The following REXO1 variants were observed in gnomAD, a reference collection of about 807,000 sequenced individuals.
REXO1 encodes the protein RNA exonuclease 1 homolog.
REXO1 carries 42 observed loss-of-function variants against 102.6 expected under a neutral mutation model. That is an observed-to-expected ratio of 0.41 (90% CI 0.32 to 0.53). The LOEUF is 0.53. Ranked by LOEUF, REXO1 falls within the 20% of genes least tolerant of loss-of-function variation. The pLI is 0.27. For synonymous variants in REXO1, 908 were observed against 779.1 expected (o/e 1.17, Z -2.76); for missense variants, 1,819 against 1,732.5 (o/e 1.05, Z -0.89).
intron 4 of REXO1, chr19:1,821,919 C>G (rs1185149341): frequency 1.7e-6 from 1 of 571,806 alleles, no homozygotes; most frequent in African/African-American, 2.0e-5. Context: ...GGACACGTCA[C>G]CGGTGGGGTG....
intron 1 of REXO1, chr19:1,830,574 C>A (rs2069874982): frequency 6.2e-6 from 1 of 160,442 alleles, no homozygotes; most frequent in African/African-American, 2.4e-5. Flanking sequence ...CTCTAAAGGT[C>A]AACAGGTCTG....
chr19:1,847,973 C>G (rs145374765), intron 1 of REXO1, among the ~76,000 whole-genome samples: 9 of 152,352 alleles, frequency 5.9e-5, no homozygotes, highest in Middle Eastern at 3.4e-3. Context: ...TGGCAGGACG[C>G]GTCCTCCTAG....
intron 3 of REXO1, chr19:1,824,571 G>C (rs1221613292): frequency 6.6e-6 from 1 of 152,116 alleles, no homozygotes; most frequent in Non-Finnish European, 1.5e-5. Flanking sequence ...CGGAGTTTGA[G>C]GCACTAAAAA....
chr19:1,835,908 C>T (rs948754220), intron 1 of REXO1, among the ~76,000 whole-genome samples: 2 of 152,188 alleles, frequency 1.3e-5, no homozygotes, highest in African/African-American at 4.8e-5. Flanking sequence ...AGCCTTGTCC[C>T]GGCCTAGGAG....
At position 1,827,130 on chromosome 19, in the gene REXO1, G is replaced by C; in HGVS notation, c.1659C>G (p.Asp553Glu). The change falls in exon 2 of 16, where the codon GAC (aspartate) becomes GAG (glutamate). Residue 553 changes from aspartate (D) to glutamate (E), a missense_variant. Coordinates refer to ENST00000170168, the MANE Select transcript of REXO1 (RefSeq NM_020695.4). Reference protein sequence around the residue: ...LPSLSSDSDSDSDSSLGFPEA... With the variant: ...LPSLSSDSDSESDSSLGFPEA... Reference sequence around the variant, plus strand: ...CCGGGAAGCCCAGGCTGGAGTCTGAGTCGGAGTCTGAGTCCGAGCTGAGGC... The same window carrying C: ...CCGGGAAGCCCAGGCTGGAGTCTGACTCGGAGTCTGAGTCCGAGCTGAGGC... 1.3e-6 allele frequency: 2 copies of C among 1,542,380 alleles called. No individual in the cohort carries two copies. Among genetic ancestry groups the C allele is most frequent in the Non-Finnish European group, 1.7e-6 (2 of 1,146,282 alleles).
In REXO1 at chr19:1,821,936, G is replaced by T. The variant is rs529724107; in HGVS notation, c.2231-254C>A. 7.3e-5 allele frequency: 41 copies of T among 562,802 alleles called. 1 individual carries two copies. The highest frequency in any genetic ancestry group is 5.6e-4 in the South Asian group (24 of 42,558). 34.9% of individuals were successfully genotyped at this position (562,802 alleles called of 1,614,324 possible). ...ACACGTCACCGGTGGGGTGGTCCAGGCCTCTGCCACGTGTTCTGACCCCAA... is the reference window on the plus strand; with the variant it reads ...ACACGTCACCGGTGGGGTGGTCCAGTCCTCTGCCACGTGTTCTGACCCCAA... On this transcript the variant is annotated intron_variant, in intron 4 of 15. Coordinates refer to ENST00000170168, the MANE Select transcript of REXO1 (RefSeq NM_020695.4).
At chr19:1,834,886 TC>T (rs1403141866) in intron 1 of REXO1, 1 of 317,116 alleles carries the variant, frequency 3.2e-6, no homozygotes, top group Non-Finnish European at 7.0e-6. Flanking sequence ...AAGACTGAGA[TC>T]AGGATCTGCA....
intron 12 of REXO1, 73 bp downstream of exon 12, chr19:1,817,146 C>CCAGATGGGGT (rs2145229770): frequency 6.3e-7 from 1 of 1,577,414 alleles, no homozygotes; most frequent in South Asian, 1.1e-5. Flanking sequence ...CCAGATGGGG[C>CCAGATGGGGT]CAGATGGGGC....
chr19:1,841,985 T>C (rs543374320), intron 1 of REXO1, among the ~76,000 whole-genome samples: 1 of 151,540 alleles, frequency 6.6e-6, no homozygotes, highest in Non-Finnish European at 1.5e-5. Context: ...CTGAGGCGGG[T>C]GGATCACTTG....
rs1251031215 is a variant in REXO1, at chr19:1,841,710, GGCTCTGGGGGGAGC to G, written c.157+6478_157+6491del. 2.7e-4 allele frequency among the ~76,000 whole-genome samples: 41 copies of G among 152,302 alleles called. No homozygotes were observed. The South Asian group carries it at 2.9e-3, about 11-fold the overall frequency. On this transcript the variant is annotated intron_variant, in intron 1 of 15. Transcript: ENST00000170168. ...TGGAGGAGACGGTAAAGCTGCACAGGGCTCTGGGGGGAGCGCTCTGGGGAGCGGCTCAGGCACTG... is the reference window on the plus strand; with the variant it reads ...TGGAGGAGACGGTAAAGCTGCACAGGGCTCTGGGGAGCGGCTCAGGCACTG...
Position 1,821,539 on chromosome 19 carries a change from C to A in REXO1, c.2374G>T (p.Ala792Ser). The part of the protein sequence containing the change: ...TTTTIIPKRI[A>S]HSPSLQSLKK... The stretch of plus-strand genomic sequence containing the variant: ...GCTACCTGTAAGGATGGACTGTGGG[C>A]GATTCGCTTAGGGATGATGGTGGTG... Residue 792 changes from alanine (A) to serine (S), a missense_variant, in exon 5 of 16, where the codon GCC becomes TCC. Ala to Ser is a moderately conservative substitution (Grantham distance 99). Coordinates refer to ENST00000170168, the MANE Select transcript of REXO1 (RefSeq NM_020695.4). The A allele has an allele frequency of 6.2e-7, 1 of 1,613,580 alleles. No homozygotes were observed. Among genetic ancestry groups the A allele is most frequent in the Non-Finnish European group, 8.5e-7 (1 of 1,179,782 alleles).
intron 1 of REXO1, among the ~76,000 whole-genome samples, chr19:1,838,178 G>T (rs551869612): frequency 6.6e-6 from 1 of 151,852 alleles, no homozygotes; most frequent in Non-Finnish European, 1.5e-5. Flanking sequence ...AAAATTAGCC[G>T]GGTGTGGGGG....
At chr19:1,822,009 G>A (rs2069559356) in intron 4 of REXO1, 2 of 527,864 alleles carry the variant, frequency 3.8e-6, no homozygotes, top group South Asian at 2.8e-5. Context: ...CCCGGACAGA[G>A]GACCGAAGGG....
At chr19:1,824,096 A>C in intron 3 of REXO1, 5 of 293,476 alleles carry the variant, frequency 1.7e-5, no homozygotes, top group South Asian at 1.6e-4. Flanking sequence ...ACTACGCCTA[A>C]TCTTCCTCAA....
rs372537502 is a variant in REXO1 at position 1,846,996 on chromosome 19, C to T, written c.157+1206G>A. 2.4e-4 allele frequency among the ~76,000 whole-genome samples: 37 copies of T among 152,308 alleles called. 1 individual carries two copies. Among genetic ancestry groups the T allele is most frequent in the African/African-American group, 8.9e-4 (37 of 41,570 alleles). ...ACCAACTCCCAGCCCCCGCCAAAGC[C>T]GGCTGCGTGCTCCCAGGACATCACG... On this transcript the variant is annotated intron_variant, in intron 1 of 15. Transcript: ENST00000170168.
chr19:1,846,515 A>C (rs2011548157), intron 1 of REXO1, among the ~76,000 whole-genome samples: 1 of 152,214 alleles, frequency 6.6e-6, no homozygotes, highest in Non-Finnish European at 1.5e-5. Context: ...GGCAGACAGG[A>C]AGACGACATC....
intron 1 of REXO1, among the ~76,000 whole-genome samples, chr19:1,831,528 C>T (rs2069900932): frequency 6.6e-6 from 1 of 152,040 alleles, no homozygotes; most frequent in Non-Finnish European, 1.5e-5. Flanking sequence ...CCCCTCAAGC[C>T]CCAGCAGGCA....
chr19:1,815,706 C>G lies in REXO1; in HGVS notation c.*360G>C. The G allele has an allele frequency of 7.3e-7, 1 of 1,362,254 alleles. No individual in the cohort carries two copies. The allele number at this position is 1,362,254 out of a possible 1,614,324, so 84.4% of individuals were successfully genotyped here. On this transcript the variant is annotated 3_prime_UTR_variant, in exon 16 of 16. Coordinates refer to ENST00000170168, the MANE Select transcript of REXO1 (RefSeq NM_020695.4). This position sits in a 1 kb window ranked among gnomAD's most constrained non-coding sequence, Gnocchi z 4.0. ...CAAACAAACCTGGGACAAGCCCGCC[C>G]CGCGACCCACGTGAGGAGCAGAGGT...
rs1404836758 is a variant in REXO1 at position 1,816,686 on chromosome 19, C to T, written c.3317+12G>A. 7.5e-6 allele frequency: 12 copies of T among 1,610,206 alleles called. No homozygotes were observed. Among genetic ancestry groups the T allele is most frequent in the Non-Finnish European group, 1.0e-5 (12 of 1,178,092 alleles). ...GGGAGGGCTCCCAGCTCGTGGAGGG[C>T]ACTGGCCACACCTGGTGTTGTAGTC... On this transcript the variant is annotated intron_variant, in intron 13 of 15. Transcript: ENST00000170168.
Sources: allele counts gnomAD v4.1 joint callset (sites outside exome capture counted in the v4.1 genomes callset), GRCh38; gene constraint gnomAD v4.1.1; non-coding constraint Gnocchi (gnomAD v3.1); transcripts MANE v1.5; gene names NCBI Gene and HGNC (gene_info 2026-07-23, HGNC 2026-07-21).